MAN1A1: variants seen among roughly 807,000 people sequenced by gnomAD.
MAN1A1 encodes the protein mannosyl-oligosaccharide 1,2-alpha-mannosidase IA.
Under a neutral mutation model 70.8 loss-of-function variants are expected in MAN1A1, and 29 were observed. The ratio of observed to expected loss-of-function variants is 0.41; its 90% CI spans 0.31 to 0.56. The LOEUF (loss-of-function observed/expected upper bound fraction) is 0.56. Ranked by LOEUF, MAN1A1 falls within the 20% of genes least tolerant of loss-of-function variation. The pLI is 0.29. For missense variants in MAN1A1, 747 were observed against 841.3 expected (o/e 0.89, Z 1.39); for synonymous variants, 349 against 330.1 (o/e 1.06, Z -0.62).
chr6:119,225,899 A>G (rs1319949394), intron 6 of MAN1A1, among the ~76,000 whole-genome samples: 1 of 152,252 alleles, frequency 6.6e-6, no homozygotes. Context: ...TGTAAAAGAA[A>G]TACTAGAAGA....
intron 5 of MAN1A1, among the ~76,000 whole-genome samples, chr6:119,269,989 G>A (rs1299770063): frequency 2.0e-5 from 3 of 152,038 alleles, no homozygotes; most frequent in Non-Finnish European, 2.9e-5. Context: ...CGTACTTAGT[G>A]GATTTTAATC....
intron 2 of MAN1A1, among the ~76,000 whole-genome samples, chr6:119,335,927 T>C (rs1773438350): frequency 6.6e-6 from 1 of 152,238 alleles, no homozygotes; most frequent in Admixed American, 6.5e-5. Flanking sequence ...GACTTCACTG[T>C]GACTTCATTC....
intron 2 of MAN1A1, among the ~76,000 whole-genome samples, chr6:119,317,157 A>G (rs1305806168): frequency 6.6e-6 from 1 of 152,000 alleles, no homozygotes; most frequent in Non-Finnish European, 1.5e-5. Flanking sequence ...TATCCTCTGT[A>G]CCCCAAAGGC....
intron 5 of MAN1A1, among the ~76,000 whole-genome samples, chr6:119,274,685 C>T (rs1457722104): frequency 6.6e-6 from 1 of 152,054 alleles, no homozygotes; most frequent in East Asian, 1.9e-4. Flanking sequence ...AATGTCACAC[C>T]AAAATATATA....
intron 2 of MAN1A1, among the ~76,000 whole-genome samples, chr6:119,342,292 G>A (rs1318883468): frequency 6.6e-6 from 1 of 152,124 alleles, no homozygotes; most frequent in African/African-American, 2.4e-5. Context: ...ATACCCTTTT[G>A]AAACTTCATT....
chr6:119,268,280 ACTT>A (rs935068972), intron 5 of MAN1A1, among the ~76,000 whole-genome samples: 5 of 152,114 alleles, frequency 3.3e-5, no homozygotes, highest in South Asian at 2.1e-4. Context: ...TATTTACCAG[ACTT>A]CTTCTTCTTT....
At chr6:119,187,168 C>A (rs895876789) in intron 11 of MAN1A1, among the ~76,000 whole-genome samples, 1 of 152,124 alleles carries the variant, frequency 6.6e-6, no homozygotes, top group Non-Finnish European at 1.5e-5. Flanking sequence ...GATGTCATAA[C>A]TTAATTGGTA....
rs1209485631 is a variant in MAN1A1, at chr6:119,348,454, C to T, written c.603+9G>A. On this transcript the variant is annotated intron_variant, in intron 2 of 12. Coordinates refer to ENST00000368468, the MANE Select transcript of MAN1A1 (RefSeq NM_005907.4). ...CGGTCGGGAGGGATTTCTGGCGCGGCCCACTCACCTCTTTGATCTTTGCCC... is the reference window on the plus strand; with the variant it reads ...CGGTCGGGAGGGATTTCTGGCGCGGTCCACTCACCTCTTTGATCTTTGCCC... The T allele has an allele frequency of 1.9e-6, 3 of 1,575,184 alleles. No homozygotes were observed. Among genetic ancestry groups the T allele is most frequent in the East Asian group, 2.3e-5 (1 of 42,780 alleles).
intron 6 of MAN1A1, among the ~76,000 whole-genome samples, chr6:119,222,859 A>G (rs1299894986): frequency 6.6e-6 from 1 of 152,156 alleles, no homozygotes; most frequent in African/African-American, 2.4e-5. Context: ...TCCTTGCCCC[A>G]TAATCTCTCT....
intron 5 of MAN1A1, among the ~76,000 whole-genome samples, chr6:119,286,829 A>C (rs1776386451): frequency 6.6e-6 from 1 of 151,892 alleles, no homozygotes; most frequent in African/African-American, 2.4e-5. Context: ...ATCAGATTAC[A>C]TTTTTTCAGG....
At position 119,178,737 on chromosome 6, in the gene MAN1A1, G is replaced by A. The variant is rs1297032251; in HGVS notation, c.*1082C>T. On this transcript the variant is annotated 3_prime_UTR_variant, in exon 13 of 13. Transcript: ENST00000368468. ...TATTAGATTTTCCTTGATTGATCAC[G>A]AATAAGTAAAATTGGCAAAGCTTCT... 10 of 151,928 alleles carry A rather than the reference G, an allele frequency of 6.6e-5. No homozygotes were observed. The highest frequency in any genetic ancestry group is 2.0e-4 in the Admixed American group (3 of 15,252). The allele number at this position is 151,928 out of a possible 1,614,324, so 9.4% of individuals were successfully genotyped here.
intron 7 of MAN1A1, among the ~76,000 whole-genome samples, chr6:119,203,762 G>A (rs913399847): frequency 3.7e-4 from 56 of 152,242 alleles, no homozygotes; most frequent in African/African-American, 1.1e-3. Context: ...ACGTCTAGGC[G>A]TTAAGTCCGA....
At chr6:119,272,135 T>TC (rs1775941846) in intron 5 of MAN1A1, among the ~76,000 whole-genome samples, 1 of 152,230 alleles carries the variant, frequency 6.6e-6, no homozygotes, top group South Asian at 2.1e-4. Flanking sequence ...AATAGTCTTA[T>TC]ATTTGCTTTG....
At chr6:119,200,020 TA>T (rs1171430928) in intron 8 of MAN1A1, among the ~76,000 whole-genome samples, 1 of 152,180 alleles carries the variant, frequency 6.6e-6, no homozygotes, top group Non-Finnish European at 1.5e-5. Context: ...CAGTATCACC[TA>T]ACACTGTAGG....
intron 6 of MAN1A1, among the ~76,000 whole-genome samples, chr6:119,229,563 T>C (rs1774618478): frequency 6.6e-6 from 1 of 152,214 alleles, no homozygotes; most frequent in African/African-American, 2.4e-5. Flanking sequence ...ATTTCACAAA[T>C]GCAGTTGAGC....
intron 6 of MAN1A1, among the ~76,000 whole-genome samples, chr6:119,212,835 A>G (rs1774091778): frequency 1.3e-5 from 2 of 152,196 alleles, no homozygotes; most frequent in African/African-American, 4.8e-5. Flanking sequence ...ATATTAAACT[A>G]CTTAGGATTA....
intron 2 of MAN1A1, among the ~76,000 whole-genome samples, chr6:119,328,008 A>C (rs1773200661): frequency 6.6e-6 from 1 of 152,202 alleles, no homozygotes; most frequent in Non-Finnish European, 1.5e-5. Context: ...CCAGAGCCAG[A>C]GAAGAGCCTG....
At position 119,349,301 on chromosome 6, in the gene MAN1A1, A is replaced by G; in HGVS notation, c.-222-14T>C. The G allele has an allele frequency of 1.7e-6, 2 of 1,197,268 alleles. No homozygotes were observed. The highest frequency in any genetic ancestry group is 2.1e-6 in the Non-Finnish European group (2 of 965,982). The allele number at this position is 1,197,268 out of a possible 1,614,324, so 74.2% of individuals were successfully genotyped here. ...TGGCTGCAGCCCCTGCGGGGAGAGA[A>G]ACAGTAAAACGTAGTAATTACGGCG... On this transcript the variant is annotated splice_polypyrimidine_tract_variant and intron_variant, in intron 1 of 12. Transcript: ENST00000368468.
intron 5 of MAN1A1, among the ~76,000 whole-genome samples, chr6:119,285,339 T>C (rs1197547393): frequency 2.6e-5 from 4 of 151,958 alleles, no homozygotes; most frequent in African/African-American, 9.7e-5. Context: ...CTCATTACCC[T>C]GGAGGAAGGC....
Sources: gnomAD v4.1 joint callset for allele counts (sites outside exome capture counted in the v4.1 genomes callset) on GRCh38, gnomAD v4.1.1 for gene constraint, MANE v1.5 for transcripts, NCBI Gene and HGNC (gene_info 2026-07-23, HGNC 2026-07-21) for gene names.